ITPR1: variants seen among roughly 807,000 people sequenced by gnomAD.
The protein encoded by ITPR1 is inositol 1,4,5-trisphosphate receptor type 1, also known as inositol 1,4,5-trisphosphate-gated calcium channel ITPR1.
In ITPR1, 96 loss-of-function variants were observed where a neutral mutation model predicts 318.4. The observed-to-expected ratio is 0.30, with a 90% confidence interval of 0.26 to 0.36. The LOEUF is 0.36. Among genes scored for constraint, ITPR1 ranks in the 10% least tolerant of loss-of-function variants. The probability of loss-of-function intolerance (pLI) is 1.00; values close to 1 mark genes in which losing one functional copy is unlikely to be tolerated. For synonymous variants in ITPR1, 1,312 were observed against 1,289.9 expected (o/e 1.02, Z -0.37); for missense variants, 2,440 against 3,460.2 (o/e 0.71, Z 7.40).
chr3:4,780,005 C>CA (rs2046722998), intron 49 of ITPR1, among the ~76,000 whole-genome samples: 1 of 152,022 alleles, frequency 6.6e-6, no homozygotes, highest in Non-Finnish European at 1.5e-5. Flanking sequence ...GTTTTTCCCT[C>CA]ATGGGGGACA....
At chr3:4,575,756 C>G (rs2088579829) in intron 4 of ITPR1, among the ~76,000 whole-genome samples, 1 of 151,636 alleles carries the variant, frequency 6.6e-6, no homozygotes, top group Non-Finnish European at 1.5e-5. Flanking sequence ...TGCAGTGTCT[C>G]ATGCCTGTAA....
intron 59 of ITPR1, among the ~76,000 whole-genome samples, chr3:4,816,898 T>C (rs2049340557): frequency 6.6e-6 from 1 of 152,244 alleles, no homozygotes; most frequent in Admixed American, 6.5e-5. Flanking sequence ...TTATTATTTC[T>C]ACATTTCTTT....
chr3:4,789,155 G>T (rs1409571848), intron 52 of ITPR1, among the ~76,000 whole-genome samples: 1 of 152,164 alleles, frequency 6.6e-6, no homozygotes, highest in African/African-American at 2.4e-5. Context: ...TCTCTAAGGG[G>T]CACCTCCCTG....
intron 23 of ITPR1, among the ~76,000 whole-genome samples, 187 bp downstream of exon 23, chr3:4,675,435 C>T (rs191522187): frequency 2.0e-5 from 3 of 152,298 alleles, no homozygotes; most frequent in Non-Finnish European, 4.4e-5. Flanking sequence ...GTCCCACGTA[C>T]CCATGACTTT....
At chr3:4,672,378 C>T (rs1039749164) in intron 20 of ITPR1, among the ~76,000 whole-genome samples, 3 of 152,094 alleles carry the variant, frequency 2.0e-5, no homozygotes, top group Non-Finnish European at 4.4e-5. Flanking sequence ...TGCATTTCCC[C>T]GACATCTAAT....
chr3:4,622,678 C>T (rs941445322), intron 4 of ITPR1, among the ~76,000 whole-genome samples: 1 of 152,140 alleles, frequency 6.6e-6, no homozygotes, highest in Non-Finnish European at 1.5e-5. Flanking sequence ...CTCCCAAAGT[C>T]CTGGGCTTAC....
chr3:4,566,155 G>C (rs79724749), intron 4 of ITPR1, among the ~76,000 whole-genome samples: 11,793 of 152,248 alleles, frequency 0.077, 630 homozygotes, highest in Non-Finnish European at 0.11. Context: ...ATCAAAAAGT[G>C]AATGACTTGT....
intron 13 of ITPR1, among the ~76,000 whole-genome samples, chr3:4,660,541 G>C (rs191515138): frequency 4.0e-5 from 6 of 151,038 alleles, no homozygotes; most frequent in Admixed American, 2.6e-4. Context: ...GATTCAAAAG[G>C]CTTTCCCTAC....
In ITPR1 at chr3:4,811,262, A is replaced by T; in HGVS notation, c.7273-3A>T. 6.5e-7 allele frequency: 1 copy of T among 1,546,984 alleles called. No individual in the cohort carries two copies. Among genetic ancestry groups the T allele is most frequent in the Non-Finnish European group, 8.7e-7 (1 of 1,148,382 alleles). ...TTAAAATTCTTTTTGTTTGTTTTCA[A>T]AGCTTTTTGATTTAGTGTACAGAGA... On this transcript the variant is annotated splice_polypyrimidine_tract_variant and splice_region_variant and intron_variant, in intron 55 of 61. Coordinates refer to ENST00000649015, the MANE Select transcript of ITPR1 (RefSeq NM_001378452.1).
intron 24 of ITPR1, among the ~76,000 whole-genome samples, chr3:4,677,196 TCAA>T (rs538132670): frequency 2.5e-3 from 387 of 152,278 alleles, no homozygotes; most frequent in African/African-American, 9.1e-3. Flanking sequence ...TTTCATTCAA[TCAA>T]CAAATATTTA....
At chr3:4,842,166 T>A (rs1310859746) in intron 61 of ITPR1, among the ~76,000 whole-genome samples, 1 of 152,272 alleles carries the variant, frequency 6.6e-6, no homozygotes, top group African/African-American at 2.4e-5. Context: ...GTATGCCTCG[T>A]GTTTTCATGA....
At chr3:4,669,211 G>C (rs1028966429) in intron 18 of ITPR1, among the ~76,000 whole-genome samples, 3 of 152,162 alleles carry the variant, frequency 2.0e-5, no homozygotes, top group African/African-American at 7.2e-5. Context: ...TTCTGTAGAC[G>C]AGCATCAATT....
intron 4 of ITPR1, among the ~76,000 whole-genome samples, chr3:4,620,027 G>C (rs939804911): frequency 4.6e-5 from 7 of 151,874 alleles, no homozygotes; most frequent in Admixed American, 4.6e-4. Flanking sequence ...CTTTGAGGAT[G>C]TTATAGTTGA....
intron 61 of ITPR1, among the ~76,000 whole-genome samples, chr3:4,838,056 T>C (rs924077484): frequency 6.6e-6 from 1 of 152,198 alleles, no homozygotes; most frequent in African/African-American, 2.4e-5. Flanking sequence ...TTACTGGAGA[T>C]GGTTTACAGA....
intron 60 of ITPR1, among the ~76,000 whole-genome samples, chr3:4,828,881 G>A (rs1014547818): frequency 6.6e-6 from 1 of 152,128 alleles, no homozygotes; most frequent in South Asian, 2.1e-4. Context: ...GATTTATGCC[G>A]TTTGGATACC....
chr3:4,620,854 T>C (rs2092602293), intron 4 of ITPR1, among the ~76,000 whole-genome samples: 1 of 152,096 alleles, frequency 6.6e-6, no homozygotes, highest in South Asian at 2.1e-4. Context: ...ATAGCTACAG[T>C]GGATTTGTGA....
Position 4,499,548 on chromosome 3 carries a change from A to T in ITPR1, c.-17+5042A>T, listed in dbSNP as rs1424359136. Among the ~76,000 whole-genome samples, 3 of 152,344 alleles carry T rather than the reference A, an allele frequency of 2.0e-5. No homozygotes were observed. The East Asian group carries it at 5.8e-4, about 29-fold the overall frequency. On this transcript the variant is annotated intron_variant, in intron 2 of 61. Transcript: ENST00000649015. ...ATATAATAATTTTACACATACACGT[A>T]TTTAACAGTTTGAATTAGGATCCAA... is the stretch of plus-strand genomic sequence containing the variant.
chr3:4,750,996 T>C (rs774811964), intron 44 of ITPR1: 1 of 152,992 alleles, frequency 6.5e-6, no homozygotes, highest in South Asian at 2.1e-4. Context: ...TCTTGCCTGA[T>C]AGAAGTTTTC....
intron 39 of ITPR1, among the ~76,000 whole-genome samples, chr3:4,714,641 A>T (rs1335476348): frequency 2.0e-5 from 3 of 152,198 alleles, no homozygotes; most frequent in Non-Finnish European, 4.4e-5. Context: ...GGTGTCCACC[A>T]TGTGTGGGCT....
Sources: gnomAD v4.1 joint callset for allele counts (sites outside exome capture counted in the v4.1 genomes callset) on GRCh38, gnomAD v4.1.1 for gene constraint, MANE v1.5 for transcripts, NCBI Gene and HGNC (gene_info 2026-07-23, HGNC 2026-07-21) for gene names.